The following RIMS2 variants were observed in gnomAD, a reference collection of about 807,000 sequenced individuals.
The protein encoded by RIMS2 is regulating synaptic membrane exocytosis 2.
A neutral mutation model predicts 174.4 loss-of-function variants in RIMS2; 59 were observed. That is an observed-to-expected ratio of 0.34 (90% CI 0.27 to 0.42). The LOEUF is 0.42. Among genes scored for constraint, RIMS2 ranks in the 10% least tolerant of loss-of-function variants. The probability of loss-of-function intolerance (pLI) is 1.00; values close to 1 mark genes in which losing one functional copy is unlikely to be tolerated. For missense variants in RIMS2, 1,620 were observed against 1,666.3 expected, an observed-to-expected ratio of 0.97 and a Z score of 0.48; for synonymous variants, 606 against 572.5, an observed-to-expected ratio of 1.06 and a Z score of -0.84.
intron 3 of RIMS2, among the ~76,000 whole-genome samples, chr8:103,831,019 G>T (rs1026219815): frequency 2.0e-5 from 3 of 152,088 alleles, no homozygotes; most frequent in Non-Finnish European, 4.4e-5. Flanking sequence ...GTGTTTCCCA[G>T]TCTGGTCTCG....
intron 4 of RIMS2, among the ~76,000 whole-genome samples, chr8:103,905,909 T>C (rs887148674): frequency 1.3e-5 from 2 of 152,042 alleles, no homozygotes; most frequent in Non-Finnish European, 2.9e-5. Context: ...ATTTGCTTTT[T>C]GTATTTCAGT....
chr8:103,952,982 G>A (rs896712084), intron 14 of RIMS2, among the ~76,000 whole-genome samples: 5 of 152,100 alleles, frequency 3.3e-5, no homozygotes, highest in Non-Finnish European at 7.4e-5. Flanking sequence ...AGTATGATTA[G>A]CTGAATTTAT....
At chr8:103,978,729 G>T (rs986037941) in intron 16 of RIMS2, among the ~76,000 whole-genome samples, 23 of 152,262 alleles carry the variant, frequency 1.5e-4, no homozygotes, top group African/African-American at 4.1e-4. Context: ...TAGAAAGAAA[G>T]AAATAAACAA....
intron 1 of RIMS2, among the ~76,000 whole-genome samples, chr8:103,584,734 T>A (rs1044186642): frequency 6.6e-6 from 1 of 151,812 alleles, no homozygotes; most frequent in African/African-American, 2.4e-5. Flanking sequence ...ATACAATGCA[T>A]ACACAAAAAA....
chr8:103,952,352 C>A (rs1414171654), intron 14 of RIMS2, among the ~76,000 whole-genome samples: 1 of 152,180 alleles, frequency 6.6e-6, no homozygotes. Flanking sequence ...ACACCTCATA[C>A]AGGAGAACTC....
intron 1 of RIMS2, among the ~76,000 whole-genome samples, chr8:103,668,985 G>A (rs2096710505): frequency 6.6e-6 from 1 of 152,092 alleles, no homozygotes; most frequent in South Asian, 2.1e-4. Context: ...GTGTAGCATT[G>A]TTTTCTAGAT....
chr8:103,906,428 T>G, intron 4 of RIMS2, among the ~76,000 whole-genome samples: 1 of 152,112 alleles, frequency 6.6e-6, no homozygotes, highest in East Asian at 1.9e-4. Context: ...GTATTTTTAT[T>G]AGAGATGGAG....
chr8:104,099,698 G>A (rs1298423013), intron 19 of RIMS2, among the ~76,000 whole-genome samples: 3 of 152,134 alleles, frequency 2.0e-5, no homozygotes, highest in Non-Finnish European at 2.9e-5. Flanking sequence ...TCAATTTCAG[G>A]ATTGTTGCCA....
chr8:103,895,123 A>C (rs2099269915), intron 4 of RIMS2, among the ~76,000 whole-genome samples: 2 of 151,344 alleles, frequency 1.3e-5, no homozygotes, highest in Admixed American at 6.6e-5. Context: ...ATAGGAAATA[A>C]AATTATGTGT....
chr8:103,994,831 G>T (rs2094967007), intron 17 of RIMS2, among the ~76,000 whole-genome samples: 1 of 152,088 alleles, frequency 6.6e-6, no homozygotes, highest in Admixed American at 6.6e-5. Flanking sequence ...TGATAAAGGT[G>T]ATTCTTGCTT....
intron 19 of RIMS2, among the ~76,000 whole-genome samples, chr8:104,083,645 A>G (rs147206215): frequency 6.6e-6 from 1 of 152,330 alleles, no homozygotes; most frequent in African/African-American, 2.4e-5. Flanking sequence ...GCATTTAGTC[A>G]TAATAAAAAC....
chr8:103,724,536 A>G (rs1197169063), intron 2 of RIMS2, among the ~76,000 whole-genome samples: 1 of 152,178 alleles, frequency 6.6e-6, no homozygotes, highest in Non-Finnish European at 1.5e-5. Context: ...TGTTACATAT[A>G]GTAAAAGTTT....
intron 1 of RIMS2, among the ~76,000 whole-genome samples, chr8:103,578,446 A>G (rs1020277481): frequency 1.3e-5 from 2 of 152,040 alleles, no homozygotes; most frequent in African/African-American, 4.8e-5. Flanking sequence ...CGGGAGAATC[A>G]TTTGAGCCTG....
chr8:104,148,800 G>A lies in RIMS2; in HGVS notation c.3335-96116G>A, dbSNP rs763095202. 4.3e-5 allele frequency: 69 copies of A among 1,598,330 alleles called. No individual in the cohort carries two copies. In the East Asian group the frequency reaches 5.8e-4, roughly 13 times the overall value. On this transcript the variant is annotated intron_variant, in intron 19 of 23. Coordinates refer to ENST00000504942, the Ensembl canonical transcript of RIMS2. ...CCTTGGTGCCAAAATGGTAGCTATC[G>A]TTGGTCTGTCACGGAAAAGTCGCAG...
chr8:104,190,683 T>A (rs1234413483), intron 19 of RIMS2, among the ~76,000 whole-genome samples: 1 of 152,092 alleles, frequency 6.6e-6, no homozygotes, highest in Non-Finnish European at 1.5e-5. Context: ...TAGAGTGGGC[T>A]ATCTCCTCTT....
downstream of RIMS2, chr8:104,254,344 G>T (rs1015661020): frequency 1.3e-5 from 2 of 152,142 alleles, no homozygotes; most frequent in African/African-American, 4.8e-5. Context: ...GGGCAGATTA[G>T]TCCTGTAATG....
intron 19 of RIMS2, among the ~76,000 whole-genome samples, chr8:104,060,331 C>A (rs2096959796): frequency 6.6e-6 from 1 of 150,654 alleles, no homozygotes; most frequent in Non-Finnish European, 1.5e-5. Flanking sequence ...TTATCCATTT[C>A]TTCTAGATTT....
chr8:104,009,574 C>CA (rs757447684), intron 17 of RIMS2, among the ~76,000 whole-genome samples: 1 of 152,122 alleles, frequency 6.6e-6, no homozygotes, highest in Non-Finnish European at 1.5e-5. Context: ...AGATTACAGA[C>CA]ATGAGCCACT....
At position 103,909,532 on chromosome 8, in the gene RIMS2, T is replaced by A. The variant is rs146517406; in HGVS notation, c.1625-602T>A. The stretch of plus-strand genomic sequence containing the variant: ...TAAAGTTTATTTTTACTAATAGATA[T>A]TGAATGAACCTGTTTTATAATTTTC... On this transcript the variant is annotated intron_variant, in intron 4 of 23. Coordinates refer to ENST00000504942, the Ensembl canonical transcript of RIMS2. Among the ~76,000 whole-genome samples, 470 of 152,262 alleles carry A rather than the reference T, an allele frequency of 3.1e-3. 4 individuals are homozygous for A. Among genetic ancestry groups the A allele is most frequent in the African/African-American group, 0.011 (443 of 41,590 alleles).
Sources: gnomAD v4.1 joint callset for allele counts (sites outside exome capture counted in the v4.1 genomes callset) on GRCh38, gnomAD v4.1.1 for gene constraint, MANE v1.5 for transcripts, NCBI Gene and HGNC (gene_info 2026-07-23, HGNC 2026-07-21) for gene names.